The following CC2D2A variants were observed in gnomAD, a reference collection of about 807,000 sequenced individuals.
CC2D2A encodes the protein coiled-coil and C2 domain-containing protein 2A.
Under a neutral mutation model 212.9 loss-of-function variants are expected in CC2D2A, and 155 were observed. That is an observed-to-expected ratio of 0.73 (90% CI 0.64 to 0.83). The LOEUF (loss-of-function observed/expected upper bound fraction) is 0.83. Ranked by LOEUF, CC2D2A falls within the 40% of genes least tolerant of loss-of-function variation. CC2D2A has a pLI of 0.00. For synonymous variants in CC2D2A, 667 were observed against 686.5 expected (o/e 0.97, Z 0.44); for missense variants, 1,856 against 1,956.2 (o/e 0.95, Z 0.97).
At chr4:15,487,396 C>T (rs566709202) in intron 4 of CC2D2A, among the ~76,000 whole-genome samples, 11 of 151,912 alleles carry the variant, frequency 7.2e-5, no homozygotes, top group South Asian at 6.2e-4. Context: ...TGTATAATGA[C>T]CTTCTTTGTC....
chr4:15,596,331 G>C lies in CC2D2A; in HGVS notation c.4437+124G>C, dbSNP rs888933048. The C allele has an allele frequency of 9.0e-6, 7 of 780,078 alleles. No individual in the cohort carries two copies. The Admixed American group carries it at 1.5e-4, about 17-fold the overall frequency. 48.3% of individuals were successfully genotyped at this position (780,078 alleles called of 1,614,324 possible). ...GTATTTGTTTATCAAACGCATCTGA[G>C]CTCAACTCACAACAAGAAACAGATA... is the stretch of plus-strand genomic sequence containing the variant. On this transcript the variant is annotated intron_variant, in intron 34 of 36. Transcript: ENST00000424120.
chr4:15,522,092 T>C (rs1717235500), intron 11 of CC2D2A, among the ~76,000 whole-genome samples: 1 of 152,170 alleles, frequency 6.6e-6, no homozygotes, highest in Non-Finnish European at 1.5e-5. Context: ...TCCCAGCTAC[T>C]CAGGAGGCTG....
At chr4:15,589,808 T>C in intron 33 of CC2D2A, 129 bp downstream of exon 33, 2 of 191,138 alleles carry the variant, frequency 1.0e-5, no homozygotes, top group Non-Finnish European at 1.4e-5. Flanking sequence ...TACACACATA[T>C]ATATATACCA....
intron 22 of CC2D2A, 98 bp downstream of exon 22, chr4:15,559,355 T>C (rs774641869): frequency 1.9e-5 from 14 of 721,050 alleles, no homozygotes; most frequent in South Asian, 1.4e-4. Context: ...TGTGAGCTTA[T>C]GCAAGCCACT....
intron 4 of CC2D2A, among the ~76,000 whole-genome samples, chr4:15,484,278 A>T (rs974882201): frequency 6.6e-6 from 1 of 152,226 alleles, no homozygotes; most frequent in African/African-American, 2.4e-5. Flanking sequence ...TTGCGACATT[A>T]AGCAACAGCC....
chr4:15,524,377 C>T (rs911909986), intron 11 of CC2D2A, among the ~76,000 whole-genome samples: 3 of 151,968 alleles, frequency 2.0e-5, no homozygotes, highest in Admixed American at 6.6e-5. Flanking sequence ...GTGATCCACC[C>T]GCCTTGGCCT....
At chr4:15,495,748 C>T (rs1340807663) in intron 4 of CC2D2A, among the ~76,000 whole-genome samples, 2 of 152,126 alleles carry the variant, frequency 1.3e-5, no homozygotes, top group Admixed American at 1.3e-4. Context: ...TGTGTATACC[C>T]AGTAATGGGA....
At chr4:15,574,699 G>C (rs1165436940) in intron 29 of CC2D2A, among the ~76,000 whole-genome samples, 2 of 152,180 alleles carry the variant, frequency 1.3e-5, no homozygotes, top group Non-Finnish European at 1.5e-5. Context: ...ACAAGTATTG[G>C]CAAGAATACA....
chr4:15,543,686 G>C (rs1718572458), intron 17 of CC2D2A: 1 of 152,288 alleles, frequency 6.6e-6, no homozygotes, highest in Admixed American at 6.5e-5. Context: ...CCCTGCTGTG[G>C]GGTCCACGTG....
chr4:15,486,101 G>C (rs183612462), intron 4 of CC2D2A, among the ~76,000 whole-genome samples: 15 of 152,216 alleles, frequency 9.9e-5, no homozygotes, highest in Admixed American at 9.2e-4. Flanking sequence ...GTGTGCATCA[G>C]AGATACTGGC....
At chr4:15,508,785 G>T (rs1716400873) in intron 6 of CC2D2A, among the ~76,000 whole-genome samples, 1 of 152,204 alleles carries the variant, frequency 6.6e-6, no homozygotes, top group Non-Finnish European at 1.5e-5. Flanking sequence ...CTGTTGTTGG[G>T]TGACAGTTAT....
intron 4 of CC2D2A, among the ~76,000 whole-genome samples, chr4:15,499,984 T>A (rs1054559066): frequency 6.6e-6 from 1 of 151,974 alleles, no homozygotes; most frequent in African/African-American, 2.4e-5. Flanking sequence ...ATGTGTTATT[T>A]AATGACAGGG....
intron 30 of CC2D2A, among the ~76,000 whole-genome samples, chr4:15,580,827 A>C (rs1004683523): frequency 4.6e-5 from 7 of 152,194 alleles, no homozygotes; most frequent in Admixed American, 4.6e-4. Context: ...TACACATTCA[A>C]CTGTACTAAG....
chr4:15,537,766 A>G, intron 15 of CC2D2A, 133 bp from the exon 16 acceptor site: 1 of 899,058 alleles, frequency 1.1e-6, no homozygotes, highest in South Asian at 1.8e-5. Context: ...TGGCTTAGTG[A>G]CCTGCCTGAT....
At chr4:15,586,895 T>C (rs1005687040) in intron 31 of CC2D2A, among the ~76,000 whole-genome samples, 10 of 152,330 alleles carry the variant, frequency 6.6e-5, no homozygotes, top group Non-Finnish European at 1.5e-4. Context: ...TTGAAGAAAT[T>C]TAAGTGCACT....
intron 2 of CC2D2A, among the ~76,000 whole-genome samples, chr4:15,477,234 G>A (rs1039030937): frequency 3.3e-5 from 5 of 151,560 alleles, no homozygotes; most frequent in African/African-American, 4.9e-5. Context: ...CCTGGGTGGC[G>A]GAGGTTGCGG....
intron 20 of CC2D2A, among the ~76,000 whole-genome samples, chr4:15,556,333 A>G (rs538295689): frequency 6.6e-6 from 1 of 152,330 alleles, no homozygotes; most frequent in East Asian, 1.9e-4. Context: ...TCCAAGTCCC[A>G]TAACAAACCT....
chr4:15,522,371 G>A (rs539404065), intron 11 of CC2D2A, among the ~76,000 whole-genome samples: 28 of 152,246 alleles, frequency 1.8e-4, no homozygotes, highest in East Asian at 5.8e-4. Context: ...CTGATCACCC[G>A]TTTGAGTCAA....
intron 4 of CC2D2A, among the ~76,000 whole-genome samples, chr4:15,500,107 G>GTATATATATATATATA (rs55743422): frequency 4.4e-5 from 5 of 112,926 alleles, no homozygotes; most frequent in Admixed American, 9.2e-5. Context: ...GTGTGTGTGT[G>GTATATATATATATATA]TATATATATA....
Sources: gnomAD v4.1 joint callset for allele counts (sites outside exome capture counted in the v4.1 genomes callset) on GRCh38, gnomAD v4.1.1 for gene constraint, MANE v1.5 for transcripts, NCBI Gene and HGNC (gene_info 2026-07-23, HGNC 2026-07-21) for gene names.